The following ASPM variants were observed in gnomAD, a reference collection of about 807,000 sequenced individuals.
ASPM encodes assembly factor for spindle microtubules.
In ASPM, 256 loss-of-function variants were observed where a neutral mutation model predicts 366.4. That is an observed-to-expected ratio of 0.70 (90% CI 0.63 to 0.77). The LOEUF (loss-of-function observed/expected upper bound fraction) is 0.77. Ranked by LOEUF, ASPM falls within the 30% of genes least tolerant of loss-of-function variation. ASPM has a pLI of 0.00. For synonymous variants in ASPM, 1,414 were observed against 1,342.9 expected, an observed-to-expected ratio of 1.05 and a Z score of -1.16; for missense variants, 4,146 against 4,090.4, an observed-to-expected ratio of 1.01 and a Z score of -0.37.
intron 13 of ASPM, among the ~76,000 whole-genome samples, chr1:197,123,363 C>T (rs921745204): frequency 6.6e-6 from 1 of 152,172 alleles, no homozygotes; most frequent in Non-Finnish European, 1.5e-5. Flanking sequence ...CAGGCATTCA[C>T]ACACGTCAAT....
intron 17 of ASPM, among the ~76,000 whole-genome samples, chr1:197,109,510 C>T (rs1214620876): frequency 6.6e-6 from 1 of 152,022 alleles, no homozygotes; most frequent in Non-Finnish European, 1.5e-5. Flanking sequence ...TAAAGGGCAT[C>T]TACAAGAAAA....
Position 197,139,798 on chromosome 1 carries a change from G to A in ASPM, c.1995C>T (p.Ser665=), listed in dbSNP as rs797045310. 5.6e-6 allele frequency: 9 copies of A among 1,611,424 alleles called. No individual in the cohort carries two copies. The African/African-American group carries it at 9.4e-5, about 17-fold the overall frequency. The change falls in exon 4 of 28, where the codon TCC becomes TCT. Residue 665 remains serine (S), a synonymous_variant. Coordinates refer to ENST00000367409, the MANE Select transcript of ASPM (RefSeq NM_018136.5). ...TTAATGGTTTTATGAAGGTCAAACT[G>A]GACTGTGCCACAGCGATAATGGGTT... The part of the protein sequence containing the change: ...RTKPIIAVAQ[S]SLTFIKPLKT...
rs186522847 is a variant in ASPM, at chr1:197,128,804, C to T, written c.2761-139G>A. The T allele has an allele frequency of 8.6e-4, 630 of 732,290 alleles. 6 individuals carry two copies. The East Asian group carries it at 0.018, about 21-fold the overall frequency. The allele number at this position is 732,290 out of a possible 1,614,324, so 45.4% of individuals were successfully genotyped here. A position where few individuals can be genotyped will look rare whatever the true frequency, so the allele number is the denominator to read the frequency against. On this transcript the variant is annotated intron_variant, in intron 9 of 27. Coordinates refer to ENST00000367409, the MANE Select transcript of ASPM (RefSeq NM_018136.5). ...TCATATTATACATTAATAATGCAAACTTCATACATATTTCCAACTTAAGAT... is the reference window on the plus strand; with the variant it reads ...TCATATTATACATTAATAATGCAAATTTCATACATATTTCCAACTTAAGAT...
intron 9 of ASPM, 81 bp from the exon 10 acceptor site, chr1:197,128,746 T>G: frequency 6.5e-6 from 7 of 1,079,080 alleles, no homozygotes; most frequent in Non-Finnish European, 9.3e-6. Flanking sequence ...CAAATCATTC[T>G]GTACATATAA....
At chr1:197,116,402 T>G (rs1383915395) in intron 17 of ASPM, among the ~76,000 whole-genome samples, 2 of 152,138 alleles carry the variant, frequency 1.3e-5, no homozygotes, top group Non-Finnish European at 2.9e-5. Flanking sequence ...ATGAAAAAGT[T>G]TGAAATATTT....
At chr1:197,106,534 AT>A (rs1466566499) in intron 17 of ASPM, among the ~76,000 whole-genome samples, 1 of 152,042 alleles carries the variant, frequency 6.6e-6, no homozygotes, top group Non-Finnish European at 1.5e-5. Context: ...GTGTGTACAG[AT>A]TGTTTTATAC....
intron 4 of ASPM, among the ~76,000 whole-genome samples, chr1:197,137,329 G>A (rs115099865): frequency 1.1e-4 from 16 of 152,244 alleles, no homozygotes; most frequent in South Asian, 8.3e-4. Flanking sequence ...ATTGTTCTAG[G>A]CCTAGGAATG....
Position 197,124,208 on chromosome 1 carries a change from T to C in ASPM, c.3292A>G (p.Lys1098Glu). Residue 1098 changes from lysine to glutamate, a missense_variant, in exon 13 of 28, where the codon AAA (lysine) becomes GAA (glutamate). Lys to Glu is a moderately conservative substitution (Grantham distance 56). Around this residue, in one of 3 missense-constraint regions of ASPM, gnomAD observed 3,624 missense variants for 3,591.7 expected, o/e 1.01. Transcript: ENST00000367409. ...CHSDDLINKK[K>E]GKRDSGSFEQ... is the part of the protein sequence containing the mutation. Reference sequence around the variant, plus strand: ...AAGGAACCACTATCCCTTTTGCCTTTTTTCTTATTAATAAGATCATCAGAA... The same window carrying C: ...AAGGAACCACTATCCCTTTTGCCTTCTTTCTTATTAATAAGATCATCAGAA... 6.2e-7 allele frequency: 1 copy of C among 1,611,700 alleles called. No individual in the cohort carries two copies. The highest frequency in any genetic ancestry group is 1.1e-5 in the South Asian group (1 of 90,994).
chr1:197,140,307 T>C (rs2125112609), intron 3 of ASPM, among the ~76,000 whole-genome samples: 1 of 152,330 alleles, frequency 6.6e-6, no homozygotes, highest in African/African-American at 2.4e-5. Flanking sequence ...ATGAGGAATG[T>C]GGCCTGTTGC....
At position 197,101,922 on chromosome 1, in the gene ASPM, G is replaced by A; in HGVS notation, c.7329C>T (p.Ala2443=). 3 of 1,612,746 alleles carry A rather than the reference G, an allele frequency of 1.9e-6. No individual in the cohort carries two copies. The highest frequency in any genetic ancestry group is 2.5e-6 in the Non-Finnish European group (3 of 1,179,278). Reference sequence around the variant, plus strand: ...ACAATTTATGTTTGGCACAAATGGTGGCTCGATATTTCCTCTGAACAAAAA... The same window carrying A: ...ACAATTTATGTTTGGCACAAATGGTAGCTCGATATTTCCTCTGAACAAAAA... ...ATIFVQRKYR[A]TICAKHKLYQ... The change falls in exon 18 of 28, where the codon GCC becomes GCT. Residue 2443 remains alanine, a synonymous_variant. Coordinates refer to ENST00000367409, the MANE Select transcript of ASPM (RefSeq NM_018136.5).
In ASPM at chr1:197,103,219, C is replaced by T; in HGVS notation, c.6032G>A (p.Arg2011Lys). 6.2e-7 allele frequency: 1 copy of T among 1,612,804 alleles called. No homozygotes were observed. The highest frequency in any genetic ancestry group is 8.5e-7 in the Non-Finnish European group (1 of 1,179,412). ...QKYYRAYSIG[R>K]EQNHLYLKTK... The stretch of plus-strand genomic sequence containing the variant: ...TTTCAAATATAAATGATTCTGTTCT[C>T]TTCCAATACTGTAAGCCCTATAATA... Residue 2011 changes from arginine (R) to lysine (K), a missense_variant, in exon 18 of 28, where the codon AGA becomes AAA. This residue lies in a region of ASPM where 3,624 missense variants were observed against 3,591.7 expected (regional missense o/e 1.01). Transcript: ENST00000367409.
At chr1:197,122,706 A>T (rs1237924117) in intron 13 of ASPM, 111 bp from the exon 14 acceptor site, 10 of 1,065,242 alleles carry the variant, frequency 9.4e-6, no homozygotes, top group African/African-American at 1.6e-5. Context: ...TGACAAATCT[A>T]CAAGGCAAGT....
Position 197,128,449 on chromosome 1 carries a change from T to C in ASPM, c.2936+41A>G, listed in dbSNP as rs923173725. 3.2e-6 allele frequency: 5 copies of C among 1,558,796 alleles called. No homozygotes were observed. The Admixed American group carries it at 6.7e-5, about 21-fold the overall frequency. On this transcript the variant is annotated intron_variant, in intron 10 of 27. Transcript: ENST00000367409. Reference sequence around the variant, plus strand: ...AAAAGTGTTTTCCAGAAAATGTTAGTCTATTCCATTAAGCAAAATAATTCT... The same window carrying C: ...AAAAGTGTTTTCCAGAAAATGTTAGCCTATTCCATTAAGCAAAATAATTCT...
At chr1:197,123,999 A>T in intron 13 of ASPM, 111 bp downstream of exon 13, 1 of 908,740 alleles carries the variant, frequency 1.1e-6, no homozygotes, top group Non-Finnish European at 1.7e-6. Context: ...AAGTTTGCTT[A>T]CACAGATGAA....
chr1:197,085,448 A>G (rs1399731507), intron 27 of ASPM, among the ~76,000 whole-genome samples: 1 of 152,114 alleles, frequency 6.6e-6, no homozygotes, highest in African/African-American at 2.4e-5. Flanking sequence ...ATCTTCTCAC[A>G]TAATTCCCTA....
rs751670703 is a variant in ASPM, at chr1:197,084,418, G to A, written c.10340C>T (p.Pro3447Leu). 1 of 1,603,692 alleles carries A rather than the reference G, an allele frequency of 6.2e-7. No individual in the cohort carries two copies. Among genetic ancestry groups the A allele is most frequent in the Non-Finnish European group, 8.5e-7 (1 of 1,174,988 alleles). The change falls in exon 28 of 28, where the codon CCA becomes CTA. Residue 3447 changes from proline to leucine, a missense_variant. Physicochemically the swap from Pro to Leu is moderately conservative, Grantham distance 98 (BLOSUM62 -3). Coordinates refer to ENST00000367409, the MANE Select transcript of ASPM (RefSeq NM_018136.5). ...VRTRIVSRLK[P>L]DWVLRRDNME... ...GTTATCTCTTCTCAAAACCCAATCT[G>A]GCTTAAGTCTGTTAAAAAAAAAAAA...
At position 197,105,068 on chromosome 1, in the gene ASPM, A is replaced by C; in HGVS notation, c.4183T>G (p.Trp1395Gly). Residue 1395 changes from tryptophan (W) to glycine (G), a missense_variant, in exon 18 of 28, where the codon TGG (tryptophan) becomes GGG (glycine). Physicochemically the swap from Trp to Gly is radical, Grantham distance 184. Coordinates refer to ENST00000367409, the MANE Select transcript of ASPM (RefSeq NM_018136.5). ...TGCCTCTGAATTGTAACTGTAGCCC[A>C]AAGATATCGTTTATAAGATGTAACA... ...IAVTSYKRYL[W>G]ATVTIQRHWR... 1 of 1,610,172 alleles carries C rather than the reference A, an allele frequency of 6.2e-7. No individual in the cohort carries two copies. The highest frequency in any genetic ancestry group is 2.2e-5 in the East Asian group (1 of 44,726).
chr1:197,102,291 T>C lies in ASPM; in HGVS notation c.6960A>G (p.Ser2320=), dbSNP rs587783260. The part of the protein sequence containing the change: ...QVQNAVIKIQ[S]SYRRWMIRKR... ...TCCTTATCATCCATCTTCTGTATGA[T>C]GACTGGATTTTAATAACTGCATTTT... Residue 2320 remains serine (S), a synonymous_variant, in exon 18 of 28, where the codon TCA becomes TCG. Transcript: ENST00000367409. The C allele has an allele frequency of 1.8e-5, 29 of 1,612,704 alleles. No individual in the cohort carries two copies. In the East Asian group the frequency reaches 4.9e-4, roughly 27 times the overall value.
chr1:197,126,458 AAAAAAAAAAG>A lies in ASPM; in HGVS notation c.2937-1277_2937-1268del, dbSNP rs1385097337. On this transcript the variant is annotated intron_variant, in intron 10 of 27. Coordinates refer to ENST00000367409, the MANE Select transcript of ASPM (RefSeq NM_018136.5). ...CTGTCTCAAAAAAAAAAAAAAAAAA[AAAAAAAAAAG>A]GGAGGGGGACTTTCTTTGTGGAAAA... Among the ~76,000 whole-genome samples, 36 of 148,194 alleles carry A rather than the reference AAAAAAAAAAG, an allele frequency of 2.4e-4. 1 individual carries two copies. Among genetic ancestry groups the A allele is most frequent in the Non-Finnish European group, 4.9e-4 (33 of 67,212 alleles).
Sources: allele counts gnomAD v4.1 joint callset (sites outside exome capture counted in the v4.1 genomes callset), GRCh38; gene constraint gnomAD v4.1.1; regional missense constraint gnomAD v4.1.1; transcripts MANE v1.5; gene names NCBI Gene and HGNC (gene_info 2026-07-23, HGNC 2026-07-21).